The following C10orf67 variants were observed in gnomAD, a reference collection of about 807,000 sequenced individuals.
The protein encoded by C10orf67 is uncharacterized protein C10orf67, mitochondrial.
A neutral mutation model predicts 35.6 loss-of-function variants in C10orf67; 60 were observed. The observed-to-expected ratio is 1.68, with a 90% CI of 1.37 to 2.09. C10orf67 has a LOEUF of 2.09. Among genes scored for constraint, C10orf67 ranks in the 30% most tolerant of loss-of-function variants. C10orf67 has a pLI of 0.00. For synonymous variants in C10orf67, 167 were observed against 115.8 expected, an observed-to-expected ratio of 1.44 and a Z score of -2.84; for missense variants, 474 against 330.2, an observed-to-expected ratio of 1.44 and a Z score of -3.38.
intron 15 of C10orf67, among the ~76,000 whole-genome samples, chr10:23,211,754 G>A (rs1003734422): frequency 1.2e-4 from 18 of 152,246 alleles, no homozygotes; most frequent in Non-Finnish European, 1.9e-4. Flanking sequence ...AGAACATGAA[G>A]AGAACTGATT....
chr10:23,267,109 C>A, intron 9 of C10orf67, 86 bp downstream of exon 9: 1 of 657,668 alleles, frequency 1.5e-6, no homozygotes. Context: ...CCTCAGTATG[C>A]TACACAGATT....
chr10:23,272,448 C>A (rs1044465981), intron 8 of C10orf67, among the ~76,000 whole-genome samples: 3 of 152,162 alleles, frequency 2.0e-5, no homozygotes, highest in African/African-American at 7.2e-5. Context: ...AAAAGATTAT[C>A]CTTACTACTT....
chr10:23,343,931 T>C (rs577480861), intron 1 of C10orf67: 1 of 466,390 alleles, frequency 2.1e-6, no homozygotes, highest in East Asian at 7.2e-5. Flanking sequence ...AATTGTTCAA[T>C]AGAGGCCTCG....
At chr10:23,292,815 G>C (rs1188141892) in intron 5 of C10orf67, among the ~76,000 whole-genome samples, 1 of 151,692 alleles carries the variant, frequency 6.6e-6, no homozygotes, top group Non-Finnish European at 1.5e-5. Context: ...TCATGACTTT[G>C]ATTCACCATT....
chr10:23,223,067 T>G (rs769979268), intron 15 of C10orf67, among the ~76,000 whole-genome samples: 25 of 147,088 alleles, frequency 1.7e-4, no homozygotes, highest in Admixed American at 3.4e-4. Context: ...TCTCTGGTTT[T>G]GAAGTATAAC....
intron 4 of C10orf67, among the ~76,000 whole-genome samples, chr10:23,315,426 T>G (rs1333888359): frequency 6.6e-6 from 1 of 152,114 alleles, no homozygotes; most frequent in Non-Finnish European, 1.5e-5. Context: ...GCATGTGTTT[T>G]TTGTTTTTTG....
Position 23,321,535 on chromosome 10 carries a change from T to C in C10orf67, c.472-720A>G, listed in dbSNP as rs565159302. ...GCCTCAAATAGGCTTTAGAGTCAGA[T>C]GGTATTGAATTTAAATATCATTGCT... On this transcript the variant is annotated intron_variant, in intron 3 of 15. Coordinates refer to ENST00000636213, the MANE Select transcript of C10orf67 (RefSeq NM_001371909.1). Among the ~76,000 whole-genome samples the C allele has an allele frequency of 6.6e-5, 10 of 152,240 alleles. No homozygotes were observed. In the South Asian group the frequency reaches 1.5e-3, roughly 22 times the overall value.
chr10:23,246,242 A>G (rs1218857697), intron 12 of C10orf67, among the ~76,000 whole-genome samples: 1 of 152,132 alleles, frequency 6.6e-6, no homozygotes, highest in African/African-American at 2.4e-5. Context: ...AAAACTACCT[A>G]TCAGGTACTA....
At chr10:23,252,937 G>A (rs752899365) in intron 10 of C10orf67, among the ~76,000 whole-genome samples, 45 of 151,514 alleles carry the variant, frequency 3.0e-4, no homozygotes, top group Non-Finnish European at 5.6e-4. Flanking sequence ...TTGAATCACG[G>A]TGGCGGGTCT....
chr10:23,218,838 A>C lies in C10orf67; in HGVS notation c.1570+4760T>G, dbSNP rs182768113. ...TACATTGTAATATTATAAAATGTGC[A>C]CTTGAATATGAATCTGAAAACCTTA... On this transcript the variant is annotated intron_variant, in intron 15 of 15. Coordinates refer to ENST00000636213, the MANE Select transcript of C10orf67 (RefSeq NM_001371909.1). 2.0e-5 allele frequency among the ~76,000 whole-genome samples: 3 copies of C among 152,360 alleles called. No homozygotes were observed. The East Asian group carries it at 5.8e-4, about 29-fold the overall frequency.
chr10:23,224,356 T>A (rs1841673687), intron 13 of C10orf67, among the ~76,000 whole-genome samples: 1 of 152,058 alleles, frequency 6.6e-6, no homozygotes, highest in South Asian at 2.1e-4. Context: ...AGAAAGGACA[T>A]CCACACCAAA....
At chr10:23,280,760 A>G (rs1843343547) in intron 8 of C10orf67, among the ~76,000 whole-genome samples, 1 of 152,226 alleles carries the variant, frequency 6.6e-6, no homozygotes, top group African/African-American at 2.4e-5. Context: ...GTTAAAATAA[A>G]GAGGCAAAGT....
At chr10:23,325,143 C>G (rs1368280343) in intron 2 of C10orf67, among the ~76,000 whole-genome samples, 1 of 152,082 alleles carries the variant, frequency 6.6e-6, no homozygotes, top group Admixed American at 6.6e-5. Context: ...TTAAGACCAG[C>G]CTAAGCAACA....
chr10:23,317,783 C>T (rs1844785579), intron 4 of C10orf67: 1 of 152,026 alleles, frequency 6.6e-6, no homozygotes, highest in African/African-American at 2.4e-5. Context: ...CTTTCTCTTT[C>T]TTCCTTCCGT....
chr10:23,226,881 C>T (rs1369226503), intron 13 of C10orf67, among the ~76,000 whole-genome samples: 1 of 152,180 alleles, frequency 6.6e-6, no homozygotes, highest in Non-Finnish European at 1.5e-5. Context: ...CTTCCCAAGA[C>T]TTAACCAGGA....
intron 13 of C10orf67, among the ~76,000 whole-genome samples, chr10:23,228,071 C>A (rs769117584): frequency 6.6e-6 from 1 of 151,910 alleles, no homozygotes; most frequent in Non-Finnish European, 1.5e-5. Flanking sequence ...CTTTTTTTCA[C>A]AAAACTGGAA....
At chr10:23,267,068 C>G (rs1246760361) in intron 9 of C10orf67, 127 bp downstream of exon 9, 1 of 592,158 alleles carries the variant, frequency 1.7e-6, no homozygotes, top group African/African-American at 1.9e-5. Flanking sequence ...CAAGAACTTT[C>G]TTTTTCAAAC....
chr10:23,311,036 TG>T (rs147551458), intron 4 of C10orf67, among the ~76,000 whole-genome samples: 3,643 of 152,214 alleles, frequency 0.024, 142 homozygotes, highest in African/African-American at 0.083. Flanking sequence ...GCATGATCGT[TG>T]CTCACTGCAG....
intron 4 of C10orf67, among the ~76,000 whole-genome samples, chr10:23,305,968 C>T (rs529537312): frequency 5.7e-5 from 5 of 88,398 alleles, no homozygotes; most frequent in Non-Finnish European, 8.7e-5. Flanking sequence ...TACATACGCG[C>T]ACACACACAC....
Sources: gnomAD v4.1 joint callset for allele counts (sites outside exome capture counted in the v4.1 genomes callset) on GRCh38, gnomAD v4.1.1 for gene constraint, MANE v1.5 for transcripts, NCBI Gene and HGNC (gene_info 2026-07-23, HGNC 2026-07-21) for gene names.